KIAA1549: variants seen among roughly 807,000 people sequenced by gnomAD.
KIAA1549 encodes UPF0606 protein KIAA1549.
Under a neutral mutation model 156.4 loss-of-function variants are expected in KIAA1549, and 70 were observed. That is an observed-to-expected ratio of 0.45 (90% CI 0.37 to 0.55). The LOEUF (loss-of-function observed/expected upper bound fraction) is 0.55, where lower values mean the gene tolerates loss of function less well. Among genes scored for constraint, KIAA1549 ranks in the 20% least tolerant of loss-of-function variants. The pLI, the probability that KIAA1549 is intolerant of heterozygous loss-of-function variation, is 0.00. For synonymous variants in KIAA1549, 1,103 were observed against 1,066.4 expected (o/e 1.03, Z -0.67); for missense variants, 2,428 against 2,540.9 (o/e 0.96, Z 0.96).
chr7:138,868,921 G>A (rs4308681), intron 14 of KIAA1549, among the ~76,000 whole-genome samples: 7,324 of 152,266 alleles, frequency 0.048, 230 homozygotes, highest in Admixed American at 0.08. Context: ...GGCCTGCGAC[G>A]GGAGCACAGG....
At chr7:138,927,712 G>A (rs1812761074) in intron 1 of KIAA1549, among the ~76,000 whole-genome samples, 1 of 152,148 alleles carries the variant, frequency 6.6e-6, no homozygotes, top group African/African-American at 2.4e-5. Flanking sequence ...TCTCAAAGTC[G>A]TTGAACCAAT....
chr7:138,968,055 G>A (rs1308140868), intron 1 of KIAA1549, among the ~76,000 whole-genome samples: 4 of 152,172 alleles, frequency 2.6e-5, no homozygotes, highest in Non-Finnish European at 4.4e-5. Context: ...GGATGAAGCT[G>A]GAAGCCATTA....
chr7:138,907,184 T>C, intron 5 of KIAA1549, 82 bp from the exon 6 acceptor site: 1 of 1,187,176 alleles, frequency 8.4e-7, no homozygotes, highest in Non-Finnish European at 1.1e-6. Flanking sequence ...TCACAGGTCC[T>C]CTCACCGATT....
At chr7:138,970,687 C>T (rs535405671) in intron 1 of KIAA1549, among the ~76,000 whole-genome samples, 3 of 152,268 alleles carry the variant, frequency 2.0e-5, no homozygotes, top group Non-Finnish European at 4.4e-5. Flanking sequence ...TGCTGCTGAT[C>T]CGGGGACCAC....
intron 1 of KIAA1549, among the ~76,000 whole-genome samples, chr7:138,952,236 T>C (rs1378535173): frequency 6.6e-6 from 1 of 152,232 alleles, no homozygotes; most frequent in African/African-American, 2.4e-5. Flanking sequence ...CAAGAGCCAC[T>C]GGACTGACAT....
At chr7:138,879,454 T>C (rs1191236200) in intron 12 of KIAA1549, 84 bp downstream of exon 12, 4 of 766,822 alleles carry the variant, frequency 5.2e-6, no homozygotes, top group Non-Finnish European at 8.4e-6. Context: ...TTTAAGGGTT[T>C]AGCATTTGAA....
In KIAA1549 at chr7:138,837,108, T is replaced by C. The variant is rs1809731022; in HGVS notation, c.*798A>G. 8.8e-6 allele frequency: 2 copies of C among 228,102 alleles called. No homozygotes were observed. Among genetic ancestry groups the C allele is most frequent in the South Asian group, 1.8e-4 (1 of 5,490 alleles). The allele number at this position is 228,102 out of a possible 1,614,324, so 14.1% of individuals were successfully genotyped here. A position where few individuals can be genotyped will look rare whatever the true frequency, so the allele number is the denominator to read the frequency against. On this transcript the variant is annotated 3_prime_UTR_variant, in exon 20 of 20. Coordinates refer to ENST00000422774, the MANE Select transcript of KIAA1549 (RefSeq NM_001164665.2). ...AAGAAACAGCAAATACAATGAAGAATGTAGATCTAAACTTTGATCTGTATT... is the reference window on the plus strand; with the variant it reads ...AAGAAACAGCAAATACAATGAAGAACGTAGATCTAAACTTTGATCTGTATT...
rs904572800 is a variant in KIAA1549, at chr7:138,913,801, T to C, written c.2879-1341A>G. 7.2e-5 allele frequency among the ~76,000 whole-genome samples: 11 copies of C among 152,004 alleles called. No individual in the cohort carries two copies. The East Asian group carries it at 7.7e-4, about 11-fold the overall frequency. On this transcript the variant is annotated intron_variant, in intron 2 of 19. Coordinates refer to ENST00000422774, the MANE Select transcript of KIAA1549 (RefSeq NM_001164665.2). ...ATGGCCCACATAGGCTCCAAGTGGG[T>C]TGGACTATGCTATAGATCTGAAAGG...
chr7:138,856,385 C>T (rs1404214933), intron 16 of KIAA1549, among the ~76,000 whole-genome samples: 1 of 152,048 alleles, frequency 6.6e-6, no homozygotes, highest in Non-Finnish European at 1.5e-5. Flanking sequence ...ACTCTTCTTC[C>T]GCACTGGCTC....
intron 10 of KIAA1549, among the ~76,000 whole-genome samples, chr7:138,885,302 T>C (rs977228881): frequency 6.6e-6 from 1 of 152,182 alleles, no homozygotes; most frequent in Non-Finnish European, 1.5e-5. Flanking sequence ...GGGTCCCACG[T>C]AGGGCAGAAC....
rs754910496 is a variant in KIAA1549, at chr7:138,957,463, C to CTTCTTT, written c.187+23619_187+23620insAAAGAA. On this transcript the variant is annotated intron_variant, in intron 1 of 19. Transcript: ENST00000422774. ...CCTCCCCCTCCCCCTCCTTCTCCTTCTTCTTCTTCTTCTTCTTCCTCTTCT... is the reference window on the plus strand; with the variant it reads ...CCTCCCCCTCCCCCTCCTTCTCCTTCTTCTTTTTCTTCTTCTTCTTCTTCCTCTTCT... 2.8e-3 allele frequency among the ~76,000 whole-genome samples: 349 copies of CTTCTTT among 126,512 alleles called. 1 individual carries two copies. The highest frequency in any genetic ancestry group is 3.9e-3 in the Non-Finnish European group (238 of 61,704). The allele number at this position is 126,512 out of a possible 152,430, so 83.0% of individuals were successfully genotyped here. A position where few individuals can be genotyped will look rare whatever the true frequency, so the allele number is the denominator to read the frequency against.
At chr7:138,946,302 C>G (rs976189927) in intron 1 of KIAA1549, among the ~76,000 whole-genome samples, 1 of 152,112 alleles carries the variant, frequency 6.6e-6, no homozygotes, top group African/African-American at 2.4e-5. Context: ...TGCAGAGGAA[C>G]CAGTGGCCTT....
At chr7:138,879,998 G>C (rs1173531726) in intron 11 of KIAA1549, among the ~76,000 whole-genome samples, 1 of 152,236 alleles carries the variant, frequency 6.6e-6, no homozygotes, top group African/African-American at 2.4e-5. Context: ...TTTAGCATGA[G>C]TTGGATCAAA....
chr7:138,902,749 T>C (rs374091429), intron 8 of KIAA1549, among the ~76,000 whole-genome samples: 1 of 151,934 alleles, frequency 6.6e-6, no homozygotes, highest in African/African-American at 2.4e-5. Flanking sequence ...GCAGATGTTG[T>C]AGTGAGCTGA....
rs1473204613 is a variant in KIAA1549 at position 138,833,293 on chromosome 7, TGA to T, written c.*4611_*4612del. 1.3e-5 allele frequency: 3 copies of T among 232,486 alleles called. No homozygotes were observed. Among genetic ancestry groups the T allele is most frequent in the East Asian group, 6.1e-5 (1 of 16,508 alleles). The allele number at this position is 232,486 out of a possible 1,614,324, so 14.4% of individuals were successfully genotyped here. A position where few individuals can be genotyped will look rare whatever the true frequency, so the allele number is the denominator to read the frequency against. On this transcript the variant is annotated 3_prime_UTR_variant, in exon 20 of 20. Coordinates refer to ENST00000422774, the MANE Select transcript of KIAA1549 (RefSeq NM_001164665.2). Reference sequence around the variant, plus strand: ...GTCTGAGAATCTAGTGTGAAAGGGATGAGAGAGACTTATATAACAACTAATTT... The same window carrying T: ...GTCTGAGAATCTAGTGTGAAAGGGATGAGAGACTTATATAACAACTAATTT...
intron 5 of KIAA1549, 56 bp downstream of exon 5, chr7:138,908,935 A>C (rs540455346): frequency 6.2e-7 from 1 of 1,601,818 alleles, no homozygotes; most frequent in East Asian, 2.2e-5. Context: ...ACAATGTGGA[A>C]CAATTTCCCC....
chr7:138,881,574 G>A lies in KIAA1549; in HGVS notation c.4043C>T (p.Pro1348Leu). 1.9e-6 allele frequency: 3 copies of A among 1,611,892 alleles called. No homozygotes were observed. Among genetic ancestry groups the A allele is most frequent in the Non-Finnish European group, 1.7e-6 (2 of 1,178,716 alleles). Residue 1348 changes from proline to leucine, a missense_variant, in exon 11 of 20, where the codon CCT becomes CTT. By Grantham distance (98) the Pro-to-Leu change is moderately conservative (BLOSUM62 -3). Transcript: ENST00000422774. The part of the protein sequence containing the change: ...NIQQRQKLQI[P>L]SVKGFDFAKQ... ...AGCAAAATCGAAGCCCTTCACACTA[G>A]GGATCTGCAGCTGAAACATACACAC...
rs34144804 is a variant in KIAA1549 at position 138,842,693 on chromosome 7, C to CAA, written c.5452+1622_5452+1623dup. On this transcript the variant is annotated intron_variant, in intron 18 of 19. Transcript: ENST00000422774. Reference sequence around the variant, plus strand: ...GGGCGACAGAACAAAAACTCTGTCTCAAAAAAAAAAAAAAATCTACCTCAG... The same window carrying CAA: ...GGGCGACAGAACAAAAACTCTGTCTCAAAAAAAAAAAAAAAAATCTACCTCAG... Among the ~76,000 whole-genome samples the CAA allele has an allele frequency of 6.4e-3, 901 of 140,594 alleles. 10 individuals are homozygous for CAA. The highest frequency in any genetic ancestry group is 0.019 in the African/African-American group (713 of 38,006). The allele number at this position is 140,594 out of a possible 152,430, so 92.2% of individuals were successfully genotyped here. A position where few individuals can be genotyped will look rare whatever the true frequency, so the allele number is the denominator to read the frequency against.
chr7:138,922,702 G>A (rs554847822), intron 1 of KIAA1549, among the ~76,000 whole-genome samples: 21 of 151,884 alleles, frequency 1.4e-4, no homozygotes, highest in African/African-American at 4.8e-4. Context: ...TGAACTGGGG[G>A]ATAGGTCTGA....
Sources: gnomAD v4.1 joint callset for allele counts (sites outside exome capture counted in the v4.1 genomes callset) on GRCh38, gnomAD v4.1.1 for gene constraint, MANE v1.5 for transcripts, NCBI Gene and HGNC (gene_info 2026-07-23, HGNC 2026-07-21) for gene names.